Variants in ATP1B3 observed in about 807,000 individuals in gnomAD.
ATP1B3 encodes the protein sodium/potassium-transporting ATPase subunit beta-3.
A neutral mutation model predicts 30.2 loss-of-function variants in ATP1B3; 10 were observed. That is an observed-to-expected ratio of 0.33 (90% CI 0.20 to 0.56). ATP1B3 has a LOEUF of 0.56. Ranked by LOEUF, ATP1B3 falls within the 20% of genes least tolerant of loss-of-function variation. The pLI, the probability that ATP1B3 is intolerant of heterozygous loss-of-function variation, is 0.90. For synonymous variants in ATP1B3, 113 were observed against 117.0 expected, an observed-to-expected ratio of 0.97 and a Z score of 0.22; for missense variants, 238 against 336.7, an observed-to-expected ratio of 0.71 and a Z score of 2.29.
chr3:141,879,616 GAA>G (rs951191786), intron 1 of ATP1B3, among the ~76,000 whole-genome samples: 1 of 139,028 alleles, frequency 7.2e-6, no homozygotes, highest in Non-Finnish European at 1.6e-5. Flanking sequence ...TACTAAAAAT[GAA>G]AAAAAAAAAA....
intron 2 of ATP1B3, among the ~76,000 whole-genome samples, chr3:141,906,446 C>T (rs564336389): frequency 6.6e-6 from 1 of 152,302 alleles, no homozygotes; most frequent in Non-Finnish European, 1.5e-5. Context: ...TCCCAAAGTG[C>T]CAGGATTACA....
At chr3:141,891,293 T>G (rs1466659355) in intron 1 of ATP1B3, among the ~76,000 whole-genome samples, 1 of 152,200 alleles carries the variant, frequency 6.6e-6, no homozygotes, top group Non-Finnish European at 1.5e-5. Flanking sequence ...ACCTGTTCAG[T>G]TTTAGTATCC....
chr3:141,900,364 C>T (rs770671939), intron 1 of ATP1B3, among the ~76,000 whole-genome samples: 7 of 152,126 alleles, frequency 4.6e-5, no homozygotes, highest in Non-Finnish European at 7.3e-5. Context: ...GTGGAGCTGC[C>T]AGGTTAGGAA....
Position 141,902,341 on chromosome 3 carries a change from G to A in ATP1B3, c.110-1279G>A. The stretch of plus-strand genomic sequence containing the variant: ...GGGGTGATTCCTGCCTTGCAGTTGA[G>A]AAATAAAAGTTATCTAGCTTTCAGC... On this transcript the variant is annotated intron_variant, in intron 1 of 6. Transcript: ENST00000286371. The A allele has an allele frequency of 8.6e-6, 6 of 697,074 alleles. No homozygotes were observed. The South Asian group carries it at 9.0e-5, about 10-fold the overall frequency. The allele number at this position is 697,074 out of a possible 1,614,324, so 43.2% of individuals were successfully genotyped here.
chr3:141,917,914 A>C (rs893447014), intron 5 of ATP1B3, among the ~76,000 whole-genome samples: 1 of 151,072 alleles, frequency 6.6e-6, no homozygotes, highest in Non-Finnish European at 1.5e-5. Context: ...ACTACAGGCG[A>C]CCGCCACCAC....
At chr3:141,892,721 A>G (rs1388501981) in intron 1 of ATP1B3, among the ~76,000 whole-genome samples, 1 of 151,984 alleles carries the variant, frequency 6.6e-6, no homozygotes, top group African/African-American at 2.4e-5. Context: ...CCTTATGTAA[A>G]ATACAAACAC....
intron 6 of ATP1B3, among the ~76,000 whole-genome samples, chr3:141,924,757 C>T (rs1934624716): frequency 6.6e-6 from 1 of 151,894 alleles, no homozygotes; most frequent in African/African-American, 2.4e-5. Flanking sequence ...GAGATCGAGA[C>T]TATCCTGGCC....
chr3:141,893,972 A>G (rs1934010149), intron 1 of ATP1B3, among the ~76,000 whole-genome samples: 1 of 152,206 alleles, frequency 6.6e-6, no homozygotes, highest in South Asian at 2.1e-4. Flanking sequence ...TATAGGCCAT[A>G]TGGTATAGAC....
Position 141,913,709 on chromosome 3 carries a change from A to G in ATP1B3, c.404A>G (p.Glu135Gly). Reference protein sequence around the residue: ...LTVCPDGALFEQKGPVYVACQ... With the variant: ...LTVCPDGALFGQKGPVYVACQ... ...GTCTGTCCTGATGGAGCACTTTTTG[A>G]ACAGAAGGGTCCAGTTTATGTTGCA... The change falls in exon 4 of 7, where the codon GAA (glutamate) becomes GGA (glycine). Residue 135 changes from glutamate to glycine, a missense_variant. Glu to Gly is a moderately conservative substitution (Grantham distance 98). Transcript: ENST00000286371. 1 of 1,613,730 alleles carries G rather than the reference A, an allele frequency of 6.2e-7. No homozygotes were observed. The highest frequency in any genetic ancestry group is 8.5e-7 in the Non-Finnish European group (1 of 1,179,970).
chr3:141,914,520 G>T (rs1480620435), intron 4 of ATP1B3, among the ~76,000 whole-genome samples: 2 of 152,182 alleles, frequency 1.3e-5, no homozygotes, highest in East Asian at 3.8e-4. Flanking sequence ...CTTGAGTCAT[G>T]AAGTGATCCC....
intron 1 of ATP1B3, among the ~76,000 whole-genome samples, chr3:141,883,736 T>C (rs1314510872): frequency 6.6e-6 from 1 of 152,194 alleles, no homozygotes; most frequent in African/African-American, 2.4e-5. Context: ...AAGTTAGTCT[T>C]CTGCAGTATT....
In ATP1B3 at chr3:141,919,557, A is replaced by G. The variant is rs556746059; in HGVS notation, c.583-2420A>G. Among the ~76,000 whole-genome samples the G allele has an allele frequency of 3.9e-5, 6 of 152,296 alleles. No individual in the cohort carries two copies. The East Asian group carries it at 9.6e-4, about 24-fold the overall frequency. ...GAAAATCAAAAAATGGGAAGAAACA[A>G]AATGCATTAATTTTTAAACTCCATT... On this transcript the variant is annotated intron_variant, in intron 5 of 6. Transcript: ENST00000286371.
chr3:141,925,651 C>G lies in ATP1B3; in HGVS notation c.790C>G (p.Arg264Gly). ...AGCCAACCTAAAAAGTCAGGATGAT[C>G]GTGACAAGTTTTTGGGACGAGTTAT... Reference protein sequence around the residue: ...GSANLKSQDDRDKFLGRVMFK... With the variant: ...GSANLKSQDDGDKFLGRVMFK... Residue 264 changes from arginine (R) to glycine (G), a missense_variant, in exon 7 of 7, where the codon CGT becomes GGT. Physicochemically the swap from Arg to Gly is moderately radical, Grantham distance 125. This residue lies in a region of ATP1B3 where 50 missense variants were observed against 62.3 expected (regional missense o/e 0.80). Coordinates refer to ENST00000286371, the MANE Select transcript of ATP1B3 (RefSeq NM_001679.4). The G allele has an allele frequency of 6.2e-7, 1 of 1,612,890 alleles. No individual in the cohort carries two copies. Among genetic ancestry groups the G allele is most frequent in the Non-Finnish European group, 8.5e-7 (1 of 1,179,830 alleles).
intron 3 of ATP1B3, among the ~76,000 whole-genome samples, chr3:141,912,201 ATT>A (rs3842576): frequency 6.6e-6 from 1 of 151,926 alleles, no homozygotes; most frequent in Admixed American, 6.6e-5. Context: ...TTTGACAGTG[ATT>A]TTTTTCCCCC....
chr3:141,876,824 C>T lies in ATP1B3; in HGVS notation c.23C>T (p.Ser8Phe). 1 of 1,589,212 alleles carries T rather than the reference C, an allele frequency of 6.3e-7. No homozygotes were observed. The highest frequency in any genetic ancestry group is 8.6e-7 in the Non-Finnish European group (1 of 1,167,280). The change falls in exon 1 of 7, where the codon TCC (serine) becomes TTC (phenylalanine). Residue 8 changes from serine (S) to phenylalanine (F), a missense_variant. Physicochemically the swap from Ser to Phe is radical, Grantham distance 155. Around this residue, in one of 3 missense-constraint regions of ATP1B3, gnomAD observed 130 missense variants for 148.8 expected, o/e 0.87. Coordinates refer to ENST00000286371, the MANE Select transcript of ATP1B3 (RefSeq NM_001679.4). MTKNEKK[S>F]LNQSLAEWKL... ...ACCATGACGAAGAACGAGAAGAAGT[C>T]CCTCAACCAGAGCCTGGCCGAGTGG...
intron 1 of ATP1B3, among the ~76,000 whole-genome samples, chr3:141,890,730 G>A (rs758349576): frequency 3.4e-5 from 5 of 147,898 alleles, no homozygotes; most frequent in Non-Finnish European, 7.4e-5. Flanking sequence ...GAGCCACCAC[G>A]CCCACCTAAT....
At chr3:141,924,221 G>A (rs182783452) in intron 6 of ATP1B3, among the ~76,000 whole-genome samples, 95 of 151,776 alleles carry the variant, frequency 6.3e-4, no homozygotes, top group African/African-American at 2.3e-3. Context: ...GCACACTCCT[G>A]TAATCCCAGC....
chr3:141,894,385 T>A (rs1934019421), intron 1 of ATP1B3, among the ~76,000 whole-genome samples: 1 of 152,122 alleles, frequency 6.6e-6, no homozygotes. Flanking sequence ...CTCGAACTCC[T>A]GGCTTCAAGC....
Position 141,900,078 on chromosome 3 carries a change from A to C in ATP1B3, c.110-3542A>C, listed in dbSNP as rs181464050. Among the ~76,000 whole-genome samples, 130 of 152,142 alleles carry C rather than the reference A, an allele frequency of 8.5e-4. 1 individual carries two copies. The highest frequency in any genetic ancestry group is 3.0e-3 in the African/African-American group (123 of 41,502). ...TTGATGTTTTTTCCAGGTTCCTGGC[A>C]CAGAGCTTCTAAAGACCCTGGAATT... On this transcript the variant is annotated intron_variant, in intron 1 of 6. Coordinates refer to ENST00000286371, the MANE Select transcript of ATP1B3 (RefSeq NM_001679.4).
Sources: allele counts gnomAD v4.1 joint callset (sites outside exome capture counted in the v4.1 genomes callset), GRCh38; gene constraint gnomAD v4.1.1; regional missense constraint gnomAD v4.1.1; transcripts MANE v1.5; gene names NCBI Gene and HGNC (gene_info 2026-07-23, HGNC 2026-07-21).